KMT2B: variants seen among roughly 807,000 people sequenced by gnomAD.
KMT2B encodes the protein histone-lysine N-methyltransferase 2B.
Under a neutral mutation model 255.3 loss-of-function variants are expected in KMT2B, and 22 were observed. That is an observed-to-expected ratio of 0.09 (90% CI 0.06 to 0.12). KMT2B has a LOEUF of 0.12. KMT2B is among the 10% of genes least tolerant of loss of function. KMT2B has a pLI of 1.00. For synonymous variants in KMT2B, 1,730 were observed against 1,498.1 expected, an observed-to-expected ratio of 1.15 and a Z score of -3.57; for missense variants, 3,149 against 3,737.0, an observed-to-expected ratio of 0.84 and a Z score of 4.10.
intron 23 of KMT2B, 72 bp downstream of exon 23, chr19:35,730,197 C>T (rs969596108): frequency 1.2e-6 from 2 of 1,604,862 alleles, no homozygotes; most frequent in East Asian, 4.5e-5. Flanking sequence ...CCCCCGTGGC[C>T]CCCAGGCCTG....
In KMT2B at chr19:35,720,382, A is replaced by G. The variant is rs774323823; in HGVS notation, c.1035A>G (p.Gly345=). ...SWQDVPQRRV[G]SGQGGSPCWK... ...AGGATGTCCCCCAAAGAAGAGTTGG[A>G]TCTGGACAGGGAGGGAGCCCTTGCT... is the stretch of plus-strand genomic sequence containing the variant. Residue 345 remains glycine, a synonymous_variant, in exon 3 of 37, where the codon GGA becomes GGG. Coordinates refer to ENST00000420124, the MANE Select transcript of KMT2B (RefSeq NM_014727.3). The G allele has an allele frequency of 6.3e-7, 1 of 1,590,738 alleles. No individual in the cohort carries two copies. Among genetic ancestry groups the G allele is most frequent in the Non-Finnish European group, 8.6e-7 (1 of 1,168,552 alleles).
Position 35,725,931 on chromosome 19 carries a change from G to C in KMT2B, c.3885+113G>C. On this transcript the variant is annotated intron_variant, in intron 13 of 36. Transcript: ENST00000420124. This position sits in a 1 kb window ranked among gnomAD's most constrained non-coding sequence, Gnocchi z 4.1. Reference sequence around the variant, plus strand: ...GAGCAGAGGTTGGGGATCCTCTTAAGAATTGATTAGTAATGTTTCCTCTTC... The same window carrying C: ...GAGCAGAGGTTGGGGATCCTCTTAACAATTGATTAGTAATGTTTCCTCTTC... 1.2e-6 allele frequency: 1 copy of C among 850,268 alleles called. No homozygotes were observed. 52.7% of individuals were successfully genotyped at this position (850,268 alleles called of 1,614,324 possible).
intron 22 of KMT2B, 97 bp from the exon 23 acceptor site, chr19:35,729,870 C>T: frequency 2.4e-6 from 3 of 1,262,260 alleles, no homozygotes; most frequent in Non-Finnish European, 2.2e-6. Flanking sequence ...CTTTGCCGTG[C>T]CAGGCTAGAC....
rs2146457480 is a variant in KMT2B at position 35,728,194 on chromosome 19, A to T, written c.4571+23A>T. ...AAAGTGAGCAAGGCTGGGTAGCAGAAGGGAAGCCGGGGAGTGAGGGCAAGG... is the reference window on the plus strand; with the variant it reads ...AAAGTGAGCAAGGCTGGGTAGCAGATGGGAAGCCGGGGAGTGAGGGCAAGG... On this transcript the variant is annotated intron_variant, in intron 19 of 36. Coordinates refer to ENST00000420124, the MANE Select transcript of KMT2B (RefSeq NM_014727.3). The T allele has an allele frequency of 3.2e-6, 5 of 1,566,724 alleles. No homozygotes were observed. In the East Asian group the frequency reaches 1.2e-4, roughly 37 times the overall value.
In KMT2B at chr19:35,726,270, G is replaced by A. The variant is rs148465274; in HGVS notation, c.3920G>A (p.Gly1307Glu). 6.2e-7 allele frequency: 1 copy of A among 1,613,694 alleles called. No homozygotes were observed. Among genetic ancestry groups the A allele is most frequent in the Non-Finnish European group, 8.5e-7 (1 of 1,179,854 alleles). Reference protein sequence around the residue: ...CSACVRCKSCGATPGKNWDVE... With the variant: ...CSACVRCKSCEATPGKNWDVE... Reference sequence around the variant, plus strand: ...GCCTGTGTGCGCTGTAAGAGCTGTGGGGCAACTCCAGGCAAGAACTGGGAC... The same window carrying A: ...GCCTGTGTGCGCTGTAAGAGCTGTGAGGCAACTCCAGGCAAGAACTGGGAC... The change falls in exon 14 of 37, where the codon GGG becomes GAG. Residue 1307 changes from glycine to glutamate, a missense_variant. Gly to Glu is a moderately conservative substitution (Grantham distance 98). Coordinates refer to ENST00000420124, the MANE Select transcript of KMT2B (RefSeq NM_014727.3).
chr19:35,728,244 G>C (rs987250153), intron 19 of KMT2B, 73 bp downstream of exon 19: 14 of 1,345,694 alleles, frequency 1.0e-5, no homozygotes, highest in Non-Finnish European at 1.2e-5. Flanking sequence ...GGCCACGCTG[G>C]GCTGAGAAGA....
In KMT2B at chr19:35,718,012, T is replaced by C; in HGVS notation, c.-7T>C. On this transcript the variant is annotated 5_prime_UTR_variant, in exon 1 of 37. Transcript: ENST00000420124. This position sits in a 1 kb window ranked among gnomAD's most constrained non-coding sequence, Gnocchi z 5.0. The stretch of plus-strand genomic sequence containing the variant: ...CCCGCCTCCCCGGCCCCTCTCACGG[T>C]GCCAAGATGGCGGCGGCGGCGGGCG... 1.0e-6 allele frequency: 1 copy of C among 985,022 alleles called. No homozygotes were observed. Among genetic ancestry groups the C allele is most frequent in the Non-Finnish European group, 1.2e-6 (1 of 830,686 alleles). 61.0% of individuals were successfully genotyped at this position (985,022 alleles called of 1,614,324 possible).
intron 13 of KMT2B, 143 bp from the exon 14 acceptor site, chr19:35,726,093 G>A (rs1021347292): frequency 8.3e-5 from 57 of 689,134 alleles, no homozygotes; most frequent in Admixed American, 5.1e-4. Flanking sequence ...TTCCTCCTCC[G>A]TGTCTGTCCT....
rs745747478 is a variant in KMT2B at position 35,733,062 on chromosome 19, G to T, written c.6513G>T (p.Gly2171=). ...RTFAWLPGAP[G]VRVLSLGPAP... ...TTGCCTGGCTCCCAGGGGCCCCAGG[G>T]GTCCGGGTGTTAAGCCTTGGCCCTG... is the stretch of plus-strand genomic sequence containing the variant. The change falls in exon 28 of 37, where the codon GGG becomes GGT. Residue 2171 remains glycine (G), a synonymous_variant. Transcript: ENST00000420124. This position sits in a 1 kb window ranked among gnomAD's most constrained non-coding sequence, Gnocchi z 4.3. 2.5e-6 allele frequency: 4 copies of T among 1,578,512 alleles called. No individual in the cohort carries two copies. The South Asian group carries it at 3.5e-5, about 14-fold the overall frequency.
At chr19:35,731,553 G>A (rs1021805294) in intron 26 of KMT2B, among the ~76,000 whole-genome samples, 3 of 152,174 alleles carry the variant, frequency 2.0e-5, no homozygotes, top group East Asian at 1.9e-4. Flanking sequence ...CCTCCGGGCC[G>A]GGGCGGGCGG....
intron 8 of KMT2B, among the ~76,000 whole-genome samples, chr19:35,724,287 G>T (rs1016590332): frequency 1.3e-5 from 2 of 152,148 alleles, no homozygotes; most frequent in African/African-American, 4.8e-5. Flanking sequence ...GATCACTTGA[G>T]CCCAGGAGTT....
chr19:35,718,056 C>T lies in KMT2B; in HGVS notation c.38C>T (p.Pro13Leu), dbSNP rs1969021720. ...AAAGGGSCPG[P>L]GSARGRFPGR... Reference sequence around the variant, plus strand: ...GCGGGCGGCGGCAGTTGCCCCGGGCCTGGCTCCGCGCGGGGCCGCTTCCCG... The same window carrying T: ...GCGGGCGGCGGCAGTTGCCCCGGGCTTGGCTCCGCGCGGGGCCGCTTCCCG... Residue 13 changes from proline to leucine, a missense_variant, in exon 1 of 37, where the codon CCT (proline) becomes CTT (leucine). Pro to Leu is a moderately conservative substitution (Grantham distance 98, BLOSUM62 -3). Around this residue, in one of 18 missense-constraint regions of KMT2B, gnomAD observed 15 missense variants for 16.8 expected, o/e 0.89. Transcript: ENST00000420124. The surrounding 1 kb of genome is among the most constrained non-coding windows in gnomAD (Gnocchi z 5.0). 4 of 986,818 alleles carry T rather than the reference C, an allele frequency of 4.1e-6. No homozygotes were observed. The highest frequency in any genetic ancestry group is 2.4e-6 in the Non-Finnish European group (2 of 832,220). The allele number at this position is 986,818 out of a possible 1,614,324, so 61.1% of individuals were successfully genotyped here. A position where few individuals can be genotyped will look rare whatever the true frequency, so the allele number is the denominator to read the frequency against.
rs199534880 is a variant in KMT2B at position 35,720,472 on chromosome 19, CAAG to C, written c.1126_1128del (p.Lys376del). ...AGAAGAAAGAAGAAGAAGAAAAAGA[CAAG>C]GAGGGAGAAGAGAAGGAAGAAAGAG... On this transcript the variant is annotated inframe_deletion, in exon 3 of 37. Transcript: ENST00000420124. 53,457 of 1,551,842 alleles carry C rather than the reference CAAG, an allele frequency of 0.034. 1,059 individuals are homozygous for C. The highest frequency in any genetic ancestry group is 0.039 in the Non-Finnish European group (44,210 of 1,146,914).
chr19:35,734,377 G>C (rs1969840497), intron 30 of KMT2B, among the ~76,000 whole-genome samples: 1 of 152,176 alleles, frequency 6.6e-6, no homozygotes, highest in Non-Finnish European at 1.5e-5. Flanking sequence ...CACAGGGTGG[G>C]GCGTTGTGTC....
Position 35,727,032 on chromosome 19 carries a change from C to A in KMT2B, c.4004-124C>A. On this transcript the variant is annotated intron_variant, in intron 14 of 36. Coordinates refer to ENST00000420124, the MANE Select transcript of KMT2B (RefSeq NM_014727.3). The surrounding 1 kb of genome is among the most constrained non-coding windows in gnomAD (Gnocchi z 4.2). ...CTCATCCTCAAGGAGCTTTTAGGGA[C>A]TAGTAGGGGCCCAAAACAGGGGCAT... 3.7e-6 allele frequency: 2 copies of A among 539,256 alleles called. No homozygotes were observed. Among genetic ancestry groups the A allele is most frequent in the Admixed American group, 3.3e-5 (1 of 29,912 alleles). The allele number at this position is 539,256 out of a possible 1,614,324, so 33.4% of individuals were successfully genotyped here.
intron 24 of KMT2B, 36 bp downstream of exon 24, chr19:35,730,498 T>C: frequency 6.2e-7 from 1 of 1,613,974 alleles, no homozygotes; most frequent in South Asian, 1.1e-5. Flanking sequence ...CCTCCTACCC[T>C]GTCCTGCCTG....
In KMT2B at chr19:35,733,221, T is replaced by A; in HGVS notation, c.6672T>A (p.Ile2224=). The change falls in exon 28 of 37, where the codon ATT becomes ATA. Residue 2224 remains isoleucine, a synonymous_variant. Transcript: ENST00000420124. The surrounding 1 kb of genome is among the most constrained non-coding windows in gnomAD (Gnocchi z 4.3). ...AGCAGCCACCTTTGCCCCCCACCAT[T>A]TCCCCCACGGCTCCCACCTCCTGGA... ...PVKQPPLPPT[I]SPTAPTSWTL... The A allele has an allele frequency of 7.9e-7, 1 of 1,268,992 alleles. No homozygotes were observed. Among genetic ancestry groups the A allele is most frequent in the Non-Finnish European group, 1.1e-6 (1 of 946,042 alleles). The allele number at this position is 1,268,992 out of a possible 1,614,324, so 78.6% of individuals were successfully genotyped here. A position where few individuals can be genotyped will look rare whatever the true frequency, so the allele number is the denominator to read the frequency against.
chr19:35,722,491 G>A lies in KMT2B; in HGVS notation c.2571+19G>A. On this transcript the variant is annotated intron_variant, in intron 4 of 36. Coordinates refer to ENST00000420124, the MANE Select transcript of KMT2B (RefSeq NM_014727.3). ...GCCCTCAGTATGCATCGGGAGGAGG[G>A]CCCTGAAGAAGACTGGCGGGAGGAG... is the stretch of plus-strand genomic sequence containing the variant. 1 of 1,604,868 alleles carries A rather than the reference G, an allele frequency of 6.2e-7. No homozygotes were observed. The highest frequency in any genetic ancestry group is 8.5e-7 in the Non-Finnish European group (1 of 1,178,926).
chr19:35,721,526 C>T lies in KMT2B; in HGVS notation c.2179C>T (p.Leu727=), dbSNP rs1969208229. The T allele has an allele frequency of 1.2e-6, 2 of 1,611,862 alleles. No individual in the cohort carries two copies. Among genetic ancestry groups the T allele is most frequent in the East Asian group, 4.5e-5 (2 of 44,856 alleles). ...AEVSPHGAPA[L]SNGPQTQAQL... ...GGTGTCCCCTCACGGGGCTCCAGCT[C>T]TGAGCAACGGGCCACAGACACAGGC... Residue 727 remains leucine (L), a synonymous_variant, in exon 3 of 37, where the codon CTG becomes TTG. Transcript: ENST00000420124.
Sources: gnomAD v4.1 joint callset for allele counts (sites outside exome capture counted in the v4.1 genomes callset) on GRCh38, gnomAD v4.1.1 for gene constraint, gnomAD v4.1.1 regional missense constraint, Gnocchi (gnomAD v3.1) non-coding constraint, MANE v1.5 for transcripts, NCBI Gene and HGNC (gene_info 2026-07-23, HGNC 2026-07-21) for gene names.